The following PRKG1 variants were observed in gnomAD, a reference collection of about 807,000 sequenced individuals.
The protein encoded by PRKG1 is cGMP-dependent protein kinase 1.
In PRKG1, 35 loss-of-function variants were observed where a neutral mutation model predicts 88.1. The ratio of observed to expected loss-of-function variants is 0.40; its 90% CI spans 0.30 to 0.53. The LOEUF is 0.53. Among genes scored for constraint, PRKG1 ranks in the 20% least tolerant of loss-of-function variants. PRKG1 has a pLI of 0.59. For synonymous variants in PRKG1, 303 were observed against 292.5 expected (o/e 1.04, Z -0.37); for missense variants, 540 against 839.8 (o/e 0.64, Z 4.41).
intron 5 of PRKG1, among the ~76,000 whole-genome samples, chr10:51,952,973 G>A (rs1264709431): frequency 1.3e-5 from 2 of 152,194 alleles, no homozygotes; most frequent in African/African-American, 4.8e-5. Flanking sequence ...CATGCCTGCT[G>A]CAGAGGCATA....
chr10:51,861,769 A>G (rs1321126250), intron 4 of PRKG1, among the ~76,000 whole-genome samples: 2 of 152,234 alleles, frequency 1.3e-5, no homozygotes, highest in African/African-American at 4.8e-5. Flanking sequence ...AAATTTACAC[A>G]AAAGTGTTTC....
intron 4 of PRKG1, among the ~76,000 whole-genome samples, chr10:51,853,453 G>A (rs1262102087): frequency 1.3e-5 from 2 of 152,104 alleles, no homozygotes; most frequent in Non-Finnish European, 2.9e-5. Context: ...GAATGTCAAG[G>A]AAAAATAAAA....
chr10:51,952,278 A>C (rs1030562271), intron 5 of PRKG1, among the ~76,000 whole-genome samples: 1 of 152,162 alleles, frequency 6.6e-6, no homozygotes, highest in Non-Finnish European at 1.5e-5. Context: ...CTAGGAGCAA[A>C]GGCCTGGACA....
chr10:51,950,142 C>G (rs16925132), intron 5 of PRKG1, among the ~76,000 whole-genome samples: 103 of 152,230 alleles, frequency 6.8e-4, no homozygotes, highest in African/African-American at 2.3e-3. Context: ...GTAAGACTCT[C>G]TAGGCTTTCA....
chr10:51,393,108 GGTT>G (rs1470968828), intron 2 of PRKG1, among the ~76,000 whole-genome samples: 27 of 139,398 alleles, frequency 1.9e-4, no homozygotes, highest in African/African-American at 3.1e-4. Context: ...CAGACGGGGC[GGTT>G]GCCGGGCGGA....
At chr10:52,109,831 C>G (rs977176007) in intron 7 of PRKG1, among the ~76,000 whole-genome samples, 1 of 151,922 alleles carries the variant, frequency 6.6e-6, no homozygotes, top group South Asian at 2.1e-4. Flanking sequence ...AATAATATCA[C>G]TGCCTTACAT....
chr10:51,387,667 T>C (rs1353840514), intron 2 of PRKG1, among the ~76,000 whole-genome samples: 2 of 152,198 alleles, frequency 1.3e-5, no homozygotes, highest in Non-Finnish European at 2.9e-5. Context: ...TTCTGGCTGG[T>C]TAAGTGCCAC....
intron 5 of PRKG1, among the ~76,000 whole-genome samples, chr10:52,024,486 C>A (rs944164130): frequency 6.6e-6 from 1 of 152,040 alleles, no homozygotes; most frequent in African/African-American, 2.4e-5. Flanking sequence ...CCCATTCCCC[C>A]ACCCCACGAC....
chr10:52,248,197 C>T (rs895006430), intron 9 of PRKG1, among the ~76,000 whole-genome samples: 13 of 152,138 alleles, frequency 8.5e-5, no homozygotes, highest in African/African-American at 2.9e-4. Flanking sequence ...CCTTCCAGTG[C>T]GGGCATTAGG....
chr10:52,094,264 C>A (rs534848144), intron 7 of PRKG1, among the ~76,000 whole-genome samples: 1 of 152,118 alleles, frequency 6.6e-6, no homozygotes, highest in Non-Finnish European at 1.5e-5. Context: ...TGCAATCATT[C>A]CTACTATTAC....
chr10:51,445,007 T>C (rs1037140598), intron 2 of PRKG1, among the ~76,000 whole-genome samples: 4 of 151,970 alleles, frequency 2.6e-5, no homozygotes, highest in Non-Finnish European at 5.9e-5. Context: ...GATGTTACAG[T>C]GCTGTTCAGC....
chr10:51,670,734 T>TA, intron 3 of PRKG1, among the ~76,000 whole-genome samples: 1 of 123,804 alleles, frequency 8.1e-6, no homozygotes, highest in Admixed American at 8.6e-5. Flanking sequence ...AGACTCCGTC[T>TA]CAAAAAAAAA....
At chr10:51,134,916 C>T (rs1845653902) in intron 1 of PRKG1, among the ~76,000 whole-genome samples, 1 of 152,084 alleles carries the variant, frequency 6.6e-6, no homozygotes, top group African/African-American at 2.4e-5. Context: ...AGCCCAGAGA[C>T]TCCTTTGGAA....
chr10:52,040,203 A>G (rs146053942), intron 5 of PRKG1, among the ~76,000 whole-genome samples: 114 of 152,258 alleles, frequency 7.5e-4, no homozygotes, highest in African/African-American at 2.6e-3. Flanking sequence ...CTGCTCCACT[A>G]TTTTTGCTAT....
chr10:51,035,949 C>T (rs1843348397), intron 1 of PRKG1, among the ~76,000 whole-genome samples: 1 of 152,006 alleles, frequency 6.6e-6, no homozygotes, highest in African/African-American at 2.4e-5. Flanking sequence ...ACTTTTAATT[C>T]AATAATATTT....
intron 7 of PRKG1, among the ~76,000 whole-genome samples, chr10:52,111,638 A>T (rs1405582951): frequency 6.6e-6 from 1 of 152,206 alleles, no homozygotes; most frequent in Non-Finnish European, 1.5e-5. Context: ...CTTTCTCTAG[A>T]TATAAATAGT....
intron 3 of PRKG1, among the ~76,000 whole-genome samples, chr10:51,546,251 G>A (rs1287581905): frequency 6.6e-6 from 1 of 152,012 alleles, no homozygotes; most frequent in Admixed American, 6.6e-5. Flanking sequence ...ATGTGTGTAT[G>A]CGGTAAATAT....
chr10:52,245,664 G>T (rs1052962329), intron 9 of PRKG1, among the ~76,000 whole-genome samples: 1 of 152,040 alleles, frequency 6.6e-6, no homozygotes, highest in Non-Finnish European at 1.5e-5. Context: ...AACTCAAGAG[G>T]AAATGAAAGT....
intron 3 of PRKG1, among the ~76,000 whole-genome samples, chr10:51,743,106 G>C (rs1012554157): frequency 1.3e-5 from 2 of 152,026 alleles, no homozygotes; most frequent in African/African-American, 2.4e-5. Context: ...CTCTTTCTCC[G>C]GGAAAACCAC....
Sources: allele counts gnomAD v4.1 joint callset (sites outside exome capture counted in the v4.1 genomes callset), GRCh38; gene constraint gnomAD v4.1.1; transcripts MANE v1.5; gene names NCBI Gene and HGNC (gene_info 2026-07-23, HGNC 2026-07-21).